NRXN3: variants seen among roughly 807,000 people sequenced by gnomAD.
NRXN3 encodes the protein neurexin III.
A neutral mutation model predicts 137.6 loss-of-function variants in NRXN3; 32 were observed. The ratio of observed to expected loss-of-function variants is 0.23; its 90% CI spans 0.18 to 0.31. The LOEUF is 0.31. Ranked by LOEUF, NRXN3 falls within the 10% of genes least tolerant of loss-of-function variation. The probability of loss-of-function intolerance (pLI) is 1.00; values close to 1 mark genes in which losing one functional copy is unlikely to be tolerated. For synonymous variants in NRXN3, 798 were observed against 784.5 expected, an observed-to-expected ratio of 1.02 and a Z score of -0.29; for missense variants, 1,574 against 2,062.5, an observed-to-expected ratio of 0.76 and a Z score of 4.59.
At chr14:78,372,051 C>G (rs1330158729) in intron 4 of NRXN3, among the ~76,000 whole-genome samples, 5 of 150,430 alleles carry the variant, frequency 3.3e-5, no homozygotes, top group African/African-American at 1.2e-4. Flanking sequence ...TTACAGTCTA[C>G]AGAATTGCAG....
chr14:78,314,022 G>A (rs917960752), intron 4 of NRXN3, among the ~76,000 whole-genome samples: 21 of 152,252 alleles, frequency 1.4e-4, no homozygotes, highest in Non-Finnish European at 2.8e-4. Flanking sequence ...AATAGAGTAG[G>A]AAGAAAACCC....
intron 18 of NRXN3, among the ~76,000 whole-genome samples, chr14:79,693,082 C>T (rs2154026242): frequency 6.6e-6 from 1 of 152,118 alleles, no homozygotes; most frequent in East Asian, 1.9e-4. Context: ...GCGGTTATAA[C>T]TGATGTTAGA....
chr14:79,405,774 T>C (rs116875408), intron 15 of NRXN3, among the ~76,000 whole-genome samples: 1 of 152,306 alleles, frequency 6.6e-6, no homozygotes, highest in East Asian at 1.9e-4. Context: ...AAGTCTTCCA[T>C]GTAATTCATA....
In NRXN3 at chr14:78,894,883, GA is replaced by G. The variant is rs561567362; in HGVS notation, c.2276-62346del. On this transcript the variant is annotated intron_variant, in intron 10 of 20. Transcript: ENST00000335750. ...CATTGTCAATGAATAGTAACATTTT[GA>G]AAAAAAAAAAAATCTTTTTTTTTTC... Among the ~76,000 whole-genome samples the G allele has an allele frequency of 8.6e-3, 1,155 of 134,888 alleles. 13 individuals carry two copies. The highest frequency in any genetic ancestry group is 0.017 in the African/African-American group (638 of 37,280). 88.5% of individuals were successfully genotyped at this position (134,888 alleles called of 152,430 possible).
chr14:79,651,116 T>C (rs2098473935), intron 16 of NRXN3, among the ~76,000 whole-genome samples: 1 of 152,028 alleles, frequency 6.6e-6, no homozygotes, highest in South Asian at 2.1e-4. Context: ...TCAATTTGAG[T>C]CTAATCCAAA....
At chr14:78,523,643 CAAAAA>C (rs3036598) in intron 4 of NRXN3, among the ~76,000 whole-genome samples, 59 of 77,718 alleles carry the variant, frequency 7.6e-4, no homozygotes, top group African/African-American at 2.9e-3. Flanking sequence ...ACTACAAATA[CAAAAA>C]AAAAAAAAAA....
chr14:78,948,922 T>G (rs1171683804), intron 10 of NRXN3, among the ~76,000 whole-genome samples: 2 of 152,158 alleles, frequency 1.3e-5, no homozygotes, highest in African/African-American at 4.8e-5. Flanking sequence ...GACTAGGGTT[T>G]GAGTCCCACA....
At chr14:79,256,403 C>A (rs2076595196) in intron 15 of NRXN3, among the ~76,000 whole-genome samples, 1 of 152,336 alleles carries the variant, frequency 6.6e-6, no homozygotes, top group South Asian at 2.1e-4. Flanking sequence ...TGTGATAACA[C>A]TTAACACATT....
At chr14:79,269,328 A>C (rs1320511764) in intron 15 of NRXN3, among the ~76,000 whole-genome samples, 1 of 152,122 alleles carries the variant, frequency 6.6e-6, no homozygotes, top group Non-Finnish European at 1.5e-5. Context: ...GGATTACAGG[A>C]GTGAGCCACC....
chr14:78,557,020 T>C (rs558070652), intron 4 of NRXN3, among the ~76,000 whole-genome samples: 223 of 119,508 alleles, frequency 1.9e-3, no homozygotes, highest in South Asian at 8.5e-3. Flanking sequence ...CCCTCTCTCC[T>C]CCCCTCCCCT....
At chr14:79,435,218 CT>C (rs1462198915) in intron 15 of NRXN3, among the ~76,000 whole-genome samples, 2 of 151,150 alleles carry the variant, frequency 1.3e-5, no homozygotes, top group Non-Finnish European at 2.9e-5. Context: ...GCATTTGGAG[CT>C]ATCAGCAAGT....
intron 15 of NRXN3, among the ~76,000 whole-genome samples, chr14:79,353,909 A>G (rs1341971888): frequency 6.6e-6 from 1 of 152,080 alleles, no homozygotes; most frequent in Non-Finnish European, 1.5e-5. Flanking sequence ...TAGGGAGTAA[A>G]TTTGGTCATC....
At chr14:78,570,352 G>T (rs912152983) in intron 4 of NRXN3, among the ~76,000 whole-genome samples, 1 of 152,166 alleles carries the variant, frequency 6.6e-6, no homozygotes, top group African/African-American at 2.4e-5. Flanking sequence ...TAGACTTCCA[G>T]AATGCAGTAC....
chr14:79,429,038 G>A lies in NRXN3; in HGVS notation c.3263-38183G>A, dbSNP rs560862116. 1.3e-3 allele frequency among the ~76,000 whole-genome samples: 198 copies of A among 152,244 alleles called. 2 individuals are homozygous for A. The highest frequency in any genetic ancestry group is 1.9e-3 in the Non-Finnish European group (130 of 68,032). On this transcript the variant is annotated intron_variant, in intron 15 of 20. Coordinates refer to ENST00000335750, the MANE Select transcript of NRXN3 (RefSeq NM_001330195.2). ...ATGTTCCTGATAATAAATTAAATTA[G>A]GACTGTGCATTGCGGAGCCCCCACC...
chr14:78,458,737 C>T (rs1598932784), intron 4 of NRXN3, among the ~76,000 whole-genome samples: 2 of 152,166 alleles, frequency 1.3e-5, no homozygotes, highest in African/African-American at 4.8e-5. Flanking sequence ...GAGAGGCTTC[C>T]CTTGCAAACA....
Position 79,734,619 on chromosome 14 carries a change from AC to A in NRXN3, c.4014+36686del, listed in dbSNP as rs1232433946. On this transcript the variant is annotated intron_variant, in intron 19 of 20. Transcript: ENST00000335750. ...ATACAAGAAACAAAAATTACTCATAACCCCTATTTTTGGTGTATCTCTATGC... is the reference window on the plus strand; with the variant it reads ...ATACAAGAAACAAAAATTACTCATAACCCTATTTTTGGTGTATCTCTATGC... Among the ~76,000 whole-genome samples the A allele has an allele frequency of 2.0e-5, 3 of 152,178 alleles. No individual in the cohort carries two copies. In the East Asian group the frequency reaches 5.8e-4, roughly 29 times the overall value.
intron 4 of NRXN3, among the ~76,000 whole-genome samples, chr14:78,428,864 A>C (rs1598552073): frequency 6.6e-6 from 1 of 152,102 alleles, no homozygotes; most frequent in African/African-American, 2.4e-5. Context: ...TCAACCTACA[A>C]ATTTAACTGT....
At chr14:79,592,077 GC>G (rs2097810327) in intron 16 of NRXN3, among the ~76,000 whole-genome samples, 1 of 152,084 alleles carries the variant, frequency 6.6e-6, no homozygotes, top group Non-Finnish European at 1.5e-5. Context: ...GTTACCTCAT[GC>G]CCAATTCTCC....
chr14:79,000,265 T>C (rs1019434145), intron 15 of NRXN3, among the ~76,000 whole-genome samples: 2 of 151,804 alleles, frequency 1.3e-5, no homozygotes, highest in Non-Finnish European at 2.9e-5. Context: ...TGTGCATACA[T>C]ATGTAATATA....
Sources: allele counts gnomAD v4.1 joint callset (sites outside exome capture counted in the v4.1 genomes callset), GRCh38; gene constraint gnomAD v4.1.1; transcripts MANE v1.5; gene names NCBI Gene and HGNC (gene_info 2026-07-23, HGNC 2026-07-21).